The following RACGAP1 variants were observed in gnomAD, a reference collection of about 807,000 sequenced individuals.
RACGAP1 encodes rac GTPase-activating protein 1.
RACGAP1 carries 30 observed loss-of-function variants against 78.1 expected under a neutral mutation model. The ratio of observed to expected loss-of-function variants is 0.38; its 90% CI spans 0.29 to 0.52. RACGAP1 has a LOEUF of 0.52. Among genes scored for constraint, RACGAP1 ranks in the 20% least tolerant of loss-of-function variants. The probability of loss-of-function intolerance (pLI) is 0.82; values close to 1 mark genes in which losing one functional copy is unlikely to be tolerated. For synonymous variants in RACGAP1, 231 were observed against 264.8 expected (o/e 0.87, Z 1.24); for missense variants, 587 against 777.1 (o/e 0.76, Z 2.91).
At chr12:50,017,045 A>C in intron 1 of RACGAP1, 1 of 1,070,164 alleles carries the variant, frequency 9.3e-7, no homozygotes, top group Non-Finnish European at 1.1e-6. Flanking sequence ...GTGGTTCTTC[A>C]AGTCAAGCCT....
intron 15 of RACGAP1, among the ~76,000 whole-genome samples, chr12:49,991,597 T>C (rs1947884523): frequency 1.4e-5 from 2 of 147,554 alleles, no homozygotes; most frequent in South Asian, 2.2e-4. Context: ...CAGCAATTCC[T>C]TGTGCCTCAG....
intron 1 of RACGAP1, among the ~76,000 whole-genome samples, chr12:50,018,309 G>A (rs963470424): frequency 2.0e-5 from 3 of 152,056 alleles, no homozygotes; most frequent in Non-Finnish European, 2.9e-5. Flanking sequence ...AATCAGGGCC[G>A]GAAACCAAGA....
chr12:49,989,452 A>C lies in RACGAP1; in HGVS notation c.*816T>G, dbSNP rs1592116536. ...TCTTTATTGTTAGTTGGGATGCCAA[A>C]GGATGATATATTGACCTTTAGAAGT... On this transcript the variant is annotated 3_prime_UTR_variant, in exon 17 of 17. Transcript: ENST00000312377. The C allele has an allele frequency of 6.6e-6, 1 of 152,198 alleles. No homozygotes were observed. The highest frequency in any genetic ancestry group is 2.4e-5 in the African/African-American group (1 of 41,446). 9.4% of individuals were successfully genotyped at this position (152,198 alleles called of 1,614,324 possible). A position where few individuals can be genotyped will look rare whatever the true frequency, so the allele number is the denominator to read the frequency against.
chr12:50,016,780 A>G, intron 1 of RACGAP1, 61 bp from the exon 2 acceptor site: 2 of 1,549,932 alleles, frequency 1.3e-6, no homozygotes, highest in Non-Finnish European at 1.8e-6. Flanking sequence ...AAAAGATTCT[A>G]TAGCAATCCA....
At chr12:50,001,566 T>A in intron 6 of RACGAP1, among the ~76,000 whole-genome samples, 1 of 152,216 alleles carries the variant, frequency 6.6e-6, no homozygotes, top group East Asian at 1.9e-4. Context: ...TGGAAACACA[T>A]TAAGTACCCT....
intron 10 of RACGAP1, among the ~76,000 whole-genome samples, chr12:49,996,472 A>T (rs535948853): frequency 6.6e-6 from 1 of 151,066 alleles, no homozygotes; most frequent in African/African-American, 2.4e-5. Context: ...CTACTAAAAA[A>T]TACAACCAAA....
At chr12:50,002,981 G>A (rs915857021) in intron 5 of RACGAP1, among the ~76,000 whole-genome samples, 5 of 145,630 alleles carry the variant, frequency 3.4e-5, no homozygotes, top group East Asian at 2.0e-4. Context: ...CTGAGATTGC[G>A]CCACTGCATT....
chr12:50,019,750 CTCT>C (rs1281443590), intron 1 of RACGAP1: 1 of 117,564 alleles, frequency 8.5e-6, no homozygotes, highest in Non-Finnish European at 2.0e-5. Flanking sequence ...AAACCTTTAG[CTCT>C]TCTATCTACC....
Position 49,990,806 on chromosome 12 carries a change from A to G in RACGAP1, c.1715-14T>C. The G allele has an allele frequency of 6.3e-7, 1 of 1,597,826 alleles. No homozygotes were observed. The highest frequency in any genetic ancestry group is 1.1e-5 in the South Asian group (1 of 90,342). On this transcript the variant is annotated splice_polypyrimidine_tract_variant and intron_variant, in intron 15 of 16. Coordinates refer to ENST00000312377, the MANE Select transcript of RACGAP1 (RefSeq NM_001319999.2). The stretch of plus-strand genomic sequence containing the variant: ...CCAGTAAACTCACTTCAAAGTTCAG[A>G]CATATTTTTAAGAGAGGTGGGAAAA...
Position 50,002,236 on chromosome 12 carries a change from A to G in RACGAP1, c.549+11T>C. 1 of 1,611,258 alleles carries G rather than the reference A, an allele frequency of 6.2e-7. No individual in the cohort carries two copies. Among genetic ancestry groups the G allele is most frequent in the Non-Finnish European group, 8.5e-7 (1 of 1,178,852 alleles). The stretch of plus-strand genomic sequence containing the variant: ...TTTGTTTTAAAAAAAGACTAAACAA[A>G]TCATACATACCCTCTTTTCTCTCTT... On this transcript the variant is annotated intron_variant, in intron 6 of 16. Coordinates refer to ENST00000312377, the MANE Select transcript of RACGAP1 (RefSeq NM_001319999.2).
intron 15 of RACGAP1, 65 bp from the exon 16 acceptor site, chr12:49,990,857 G>T: frequency 1.6e-6 from 2 of 1,247,794 alleles, no homozygotes; most frequent in South Asian, 1.2e-5. Flanking sequence ...TAGATGGCTA[G>T]TTTTAAGCTG....
At position 49,992,046 on chromosome 12, in the gene RACGAP1, T is replaced by C; in HGVS notation, c.1666A>G (p.Ile556Val). Residue 556 changes from isoleucine to valine, a missense_variant, in exon 15 of 17, where the codon ATT (isoleucine) becomes GTT (valine). Ile to Val is a conservative substitution (Grantham distance 29, BLOSUM62 3). Transcript: ENST00000312377. The part of the protein sequence containing the change: ...EQENIDPLHV[I>V]ENSNAFSTPQ... ...GTTGAAAAGGCATTTGAGTTTTCAA[T>C]GACATGTAGGGGGTCAATGTTCTCT... 6.2e-7 allele frequency: 1 copy of C among 1,614,124 alleles called. No individual in the cohort carries two copies. Among genetic ancestry groups the C allele is most frequent in the Non-Finnish European group, 8.5e-7 (1 of 1,180,018 alleles).
At chr12:50,004,595 G>A (rs1471772169) in intron 4 of RACGAP1, among the ~76,000 whole-genome samples, 1 of 152,180 alleles carries the variant, frequency 6.6e-6, no homozygotes, top group African/African-American at 2.4e-5. Context: ...TACCGAGTTT[G>A]TATTACAGGC....
rs546911593 is a variant in RACGAP1, at chr12:50,018,503, A to G, written c.-4-1784T>C. 41 of 1,269,922 alleles carry G rather than the reference A, an allele frequency of 3.2e-5. No homozygotes were observed. The African/African-American group carries it at 4.9e-4, about 15-fold the overall frequency. The allele number at this position is 1,269,922 out of a possible 1,614,324, so 78.7% of individuals were successfully genotyped here. A position where few individuals can be genotyped will look rare whatever the true frequency, so the allele number is the denominator to read the frequency against. On this transcript the variant is annotated intron_variant, in intron 1 of 16. Coordinates refer to ENST00000312377, the MANE Select transcript of RACGAP1 (RefSeq NM_001319999.2). Reference sequence around the variant, plus strand: ...TGCCATGGATTTAACATATAATGAAATAGGCAACATACCCTAAGTGCTACA... The same window carrying G: ...TGCCATGGATTTAACATATAATGAAGTAGGCAACATACCCTAAGTGCTACA...
At chr12:50,028,574 G>A (rs1950301990), upstream of RACGAP1, among the ~76,000 whole-genome samples, 1 of 152,086 alleles carries the variant, frequency 6.6e-6, no homozygotes, top group African/African-American at 2.4e-5. Flanking sequence ...TTCGAGACCA[G>A]CCTGGCCAAC....
chr12:50,027,607 C>T (rs928715407), upstream of RACGAP1, among the ~76,000 whole-genome samples: 2 of 152,060 alleles, frequency 1.3e-5, no homozygotes, highest in East Asian at 1.9e-4. Context: ...GCGGGTGGAT[C>T]GTGAGGTCAG....
At chr12:50,016,610 G>A (rs769562852) in intron 2 of RACGAP1, 21 bp downstream of exon 2, 1 of 1,603,512 alleles carries the variant, frequency 6.2e-7, no homozygotes. Context: ...CCTTTGGACA[G>A]GCCAGCTCAG....
Position 49,990,703 on chromosome 12 carries a change from G to C in RACGAP1, c.1804C>G (p.Leu602Val). 1 of 1,613,000 alleles carries C rather than the reference G, an allele frequency of 6.2e-7. No homozygotes were observed. Among genetic ancestry groups the C allele is most frequent in the Non-Finnish European group, 8.5e-7 (1 of 1,179,012 alleles). The change falls in exon 16 of 17, where the codon CTC becomes GTC. Residue 602 changes from leucine to valine, a missense_variant. Physicochemically the swap from Leu to Val is conservative, Grantham distance 32 (BLOSUM62 1). Coordinates refer to ENST00000312377, the MANE Select transcript of RACGAP1 (RefSeq NM_001319999.2). ...GCATACCTAGGAGTGTTCTTGGTGA[G>C]GGTGGAACGGACTCTCTGTGACAGG... ...SSLSQRVRST[L>V]TKNTPRFGSK...
intron 3 of RACGAP1, 111 bp from the exon 4 acceptor site, chr12:50,005,503 G>A: frequency 8.0e-7 from 1 of 1,245,288 alleles, no homozygotes. Context: ...TTATGCAAAT[G>A]GACCTTCAGG....
Sources: allele counts gnomAD v4.1 joint callset (sites outside exome capture counted in the v4.1 genomes callset), GRCh38; gene constraint gnomAD v4.1.1; transcripts MANE v1.5; gene names NCBI Gene and HGNC (gene_info 2026-07-23, HGNC 2026-07-21).